ZC3H18: variants seen among roughly 807,000 people sequenced by gnomAD.
ZC3H18 encodes the protein zinc finger CCCH-type containing 18, also known as zinc finger CCCH domain-containing protein 18.
In ZC3H18, 8 loss-of-function variants were observed where a neutral mutation model predicts 106.1. That is an observed-to-expected ratio of 0.08 (90% confidence interval 0.04 to 0.14). ZC3H18 has a LOEUF of 0.14. Among genes scored for constraint, ZC3H18 ranks in the 10% least tolerant of loss-of-function variants. ZC3H18 has a pLI of 1.00. For synonymous variants in ZC3H18, 635 were observed against 522.1 expected, an observed-to-expected ratio of 1.22 and a Z score of -2.95; for missense variants, 1,318 against 1,278.4, an observed-to-expected ratio of 1.03 and a Z score of -0.47.
intron 1 of ZC3H18, chr16:88,571,538 A>G (rs1321317383): frequency 6.4e-6 from 5 of 778,662 alleles, no homozygotes; most frequent in Non-Finnish European, 7.8e-6. Flanking sequence ...TTACTATCTA[A>G]GGGCAGTATG....
Position 88,627,508 on chromosome 16 carries a change from C to T in ZC3H18, c.2109-114C>T, listed in dbSNP as rs1425802718. ...AGTGTCCCCCCAAAATCACACATTC[C>T]GTGGGTACATGATCCATAAATGGAC... On this transcript the variant is annotated intron_variant, in intron 13 of 17. Transcript: ENST00000301011. This position sits in a 1 kb window ranked among gnomAD's most constrained non-coding sequence, Gnocchi z 4.5. The T allele has an allele frequency of 1.4e-5, 20 of 1,396,070 alleles. No homozygotes were observed. Among genetic ancestry groups the T allele is most frequent in the East Asian group, 9.4e-5 (4 of 42,746 alleles). 86.5% of individuals were successfully genotyped at this position (1,396,070 alleles called of 1,614,324 possible).
intron 8 of ZC3H18, among the ~76,000 whole-genome samples, chr16:88,612,679 TA>T (rs547206179): frequency 4.3e-3 from 564 of 131,736 alleles, no homozygotes; most frequent in Non-Finnish European, 4.2e-3. Context: ...ACCCTGTATC[TA>T]AAAAAAAAAA....
rs186103390 is a variant in ZC3H18, at chr16:88,586,702, A to G, written c.688+18A>G. The G allele has an allele frequency of 5.0e-6, 8 of 1,610,970 alleles. No individual in the cohort carries two copies. The highest frequency in any genetic ancestry group is 8.5e-7 in the Non-Finnish European group (1 of 1,177,342). ...CATGAAAGGTAATTGTCTGCGTGTGAGGCCTTCTCGCAGCCAGCTGGGGCC... is the reference window on the plus strand; with the variant it reads ...CATGAAAGGTAATTGTCTGCGTGTGGGGCCTTCTCGCAGCCAGCTGGGGCC... On this transcript the variant is annotated intron_variant, in intron 3 of 17. Coordinates refer to ENST00000301011, the MANE Select transcript of ZC3H18 (RefSeq NM_144604.4).
At position 88,586,679 on chromosome 16, in the gene ZC3H18, T is replaced by C. The variant is rs1272469270; in HGVS notation, c.683T>C (p.Met228Thr). The change falls in exon 3 of 18, where the codon ATG becomes ACG. Residue 228 changes from methionine (M) to threonine (T), a missense_variant. Met to Thr is a moderately conservative substitution (Grantham distance 81). Around this residue, in one of 6 missense-constraint regions of ZC3H18, gnomAD observed 30 missense variants for 63.3 expected, o/e 0.47. Coordinates refer to ENST00000301011, the MANE Select transcript of ZC3H18 (RefSeq NM_144604.4). ...VRPRPTCRFF[M>T]KGNCTWGMNC... ...CCTCGTCCCACCTGCCGGTTCTTCA[T>C]GAAAGGTAATTGTCTGCGTGTGAGG... 1.9e-6 allele frequency: 3 copies of C among 1,614,096 alleles called. No individual in the cohort carries two copies. The highest frequency in any genetic ancestry group is 2.2e-5 in the East Asian group (1 of 44,882).
At chr16:88,625,937 C>T (rs1270356993) in intron 13 of ZC3H18, 1 of 150,402 alleles carries the variant, frequency 6.6e-6, no homozygotes, top group Non-Finnish European at 1.5e-5. Flanking sequence ...CGGATTCAAC[C>T]TCAGCCCCCT....
chr16:88,595,917 C>G (rs1904413747), intron 3 of ZC3H18, among the ~76,000 whole-genome samples: 1 of 152,254 alleles, frequency 6.6e-6, no homozygotes, highest in Middle Eastern at 3.4e-3. Flanking sequence ...TGTTCCTACA[C>G]AGATAAAAGT....
At chr16:88,630,341 C>T in intron 16 of ZC3H18, 144 bp from the exon 17 acceptor site, 5 of 622,984 alleles carry the variant, frequency 8.0e-6, no homozygotes, top group Non-Finnish European at 1.4e-5. Flanking sequence ...CTTGGCTCTC[C>T]CCTTTTTATT....
intron 2 of ZC3H18, among the ~76,000 whole-genome samples, chr16:88,586,186 C>G (rs993017577): frequency 1.3e-5 from 2 of 152,164 alleles, no homozygotes; most frequent in Admixed American, 1.3e-4. Context: ...GCACCCAACT[C>G]CTCCCCTCCC....
chr16:88,594,917 C>T (rs1027143616), intron 3 of ZC3H18, among the ~76,000 whole-genome samples: 3 of 151,938 alleles, frequency 2.0e-5, no homozygotes, highest in African/African-American at 4.8e-5. Flanking sequence ...TTTGGGAGGC[C>T]GAGGCGGGCG....
rs267604676 is a variant in ZC3H18 at position 88,599,921 on chromosome 16, G to A, written c.1061G>A (p.Arg354Gln). 30 of 1,614,192 alleles carry A rather than the reference G, an allele frequency of 1.9e-5. No individual in the cohort carries two copies. The highest frequency in any genetic ancestry group is 8.9e-5 in the East Asian group (4 of 44,882). The change falls in exon 6 of 18, where the codon CGG becomes CAG. Residue 354 changes from arginine (R) to glutamine (Q), a missense_variant. Around this residue, in one of 6 missense-constraint regions of ZC3H18, gnomAD observed 848 missense variants for 821.7 expected, o/e 1.03. Coordinates refer to ENST00000301011, the MANE Select transcript of ZC3H18 (RefSeq NM_144604.4). ...ENEVFRDWNS[R>Q]IPRDVRDTVL... ...GAAGTTTTTCGAGATTGGAATTCTC[G>A]GATCCCGAGAGATGTCAGAGACACA...
At chr16:88,609,116 A>AC in intron 7 of ZC3H18, 65 bp downstream of exon 7, 5 of 1,383,008 alleles carry the variant, frequency 3.6e-6, no homozygotes, top group South Asian at 1.3e-5. Context: ...ATCCCTTTTT[A>AC]TTTACAGTAA....
chr16:88,591,371 G>A (rs1285880129), intron 3 of ZC3H18, among the ~76,000 whole-genome samples: 3 of 152,128 alleles, frequency 2.0e-5, no homozygotes, highest in Non-Finnish European at 4.4e-5. Flanking sequence ...TTAGGAGTTC[G>A]AGACCAGACT....
chr16:88,592,623 T>A (rs1272036199), intron 3 of ZC3H18, among the ~76,000 whole-genome samples: 1 of 152,160 alleles, frequency 6.6e-6, no homozygotes, highest in East Asian at 1.9e-4. Flanking sequence ...TACAGGCGCA[T>A]GCCACCATGC....
At chr16:88,601,414 A>G (rs1904744690) in intron 6 of ZC3H18, among the ~76,000 whole-genome samples, 1 of 152,032 alleles carries the variant, frequency 6.6e-6, no homozygotes, top group Non-Finnish European at 1.5e-5. Context: ...GGATTTTAGA[A>G]CCTGGGCGTG....
chr16:88,581,351 T>C (rs1165957386), intron 2 of ZC3H18, among the ~76,000 whole-genome samples: 1 of 152,148 alleles, frequency 6.6e-6, no homozygotes, highest in African/African-American at 2.4e-5. Context: ...CTTTTAGATT[T>C]TGGGTCACTG....
At chr16:88,628,609 C>G (rs1417074347) in intron 15 of ZC3H18, 149 bp from the exon 16 acceptor site, 2 of 793,754 alleles carry the variant, frequency 2.5e-6, no homozygotes, top group African/African-American at 3.5e-5. Flanking sequence ...TCCTGGAGGC[C>G]TCACTCAGGG....
Position 88,624,761 on chromosome 16 carries a change from T to A in ZC3H18, c.2042+16T>A. On this transcript the variant is annotated intron_variant, in intron 12 of 17. Transcript: ENST00000301011. Reference sequence around the variant, plus strand: ...CCCCCAGGAGGTGAGCACTCCGGCGTCCGGGGCCCTCAGGCTTTCCGTGTT... The same window carrying A: ...CCCCCAGGAGGTGAGCACTCCGGCGACCGGGGCCCTCAGGCTTTCCGTGTT... The A allele has an allele frequency of 6.2e-7, 1 of 1,601,316 alleles. No individual in the cohort carries two copies. Among genetic ancestry groups the A allele is most frequent in the Non-Finnish European group, 8.5e-7 (1 of 1,174,928 alleles).
At chr16:88,572,670 G>T (rs1914484797) in intron 1 of ZC3H18, among the ~76,000 whole-genome samples, 2 of 151,952 alleles carry the variant, frequency 1.3e-5, no homozygotes, top group South Asian at 4.1e-4. Context: ...GCAAACGTGG[G>T]TATCAGTTGA....
At chr16:88,602,415 G>C (rs1376849678) in intron 6 of ZC3H18, among the ~76,000 whole-genome samples, 1 of 152,226 alleles carries the variant, frequency 6.6e-6, no homozygotes, top group East Asian at 1.9e-4. Flanking sequence ...GTGCAACCTG[G>C]ATTGATAGCT....
Sources: allele counts gnomAD v4.1 joint callset (sites outside exome capture counted in the v4.1 genomes callset), GRCh38; gene constraint gnomAD v4.1.1; regional missense constraint gnomAD v4.1.1; non-coding constraint Gnocchi (gnomAD v3.1); transcripts MANE v1.5; gene names NCBI Gene and HGNC (gene_info 2026-07-23, HGNC 2026-07-21).